Variants in DEPTOR observed in about 807,000 individuals in gnomAD.
The protein encoded by DEPTOR is DEP domain containing MTOR interacting protein.
A neutral mutation model predicts 41.6 loss-of-function variants in DEPTOR; 41 were observed. That is an observed-to-expected ratio of 0.98 (90% confidence interval 0.77 to 1.28). The LOEUF is 1.28. DEPTOR is among the 50% of genes most tolerant of loss of function. The pLI is 0.00. For synonymous variants in DEPTOR, 195 were observed against 192.3 expected (o/e 1.01, Z -0.12); for missense variants, 514 against 527.9 (o/e 0.97, Z 0.26).
chr8:119,971,261 GA>G (rs1828631322), intron 4 of DEPTOR, among the ~76,000 whole-genome samples: 1 of 149,098 alleles, frequency 6.7e-6, no homozygotes. Flanking sequence ...AAGGTTGGCT[GA>G]AAAATCAACT....
chr8:120,030,563 G>C (rs1038534900), intron 8 of DEPTOR, among the ~76,000 whole-genome samples: 2 of 137,688 alleles, frequency 1.5e-5, no homozygotes, highest in Non-Finnish European at 3.1e-5. Flanking sequence ...CTGGAGTGCA[G>C]TGGTGTGATC....
intron 3 of DEPTOR, among the ~76,000 whole-genome samples, chr8:119,946,769 C>T (rs1469385448): frequency 6.6e-6 from 1 of 152,120 alleles, no homozygotes; most frequent in Non-Finnish European, 1.5e-5. Flanking sequence ...TCTCTGTGTT[C>T]TACCAAGGTT....
chr8:119,945,745 A>G (rs1828263025), intron 3 of DEPTOR, among the ~76,000 whole-genome samples: 1 of 152,238 alleles, frequency 6.6e-6, no homozygotes, highest in African/African-American at 2.4e-5. Flanking sequence ...AGCCCTTCCT[A>G]GAGGAAATCC....
chr8:120,019,188 C>T (rs1586660335), intron 8 of DEPTOR, among the ~76,000 whole-genome samples: 1 of 152,050 alleles, frequency 6.6e-6, no homozygotes, highest in Non-Finnish European at 1.5e-5. Flanking sequence ...GCCTGTAATC[C>T]CAGCTACTCA....
At chr8:120,016,663 C>T (rs181399541) in intron 8 of DEPTOR, among the ~76,000 whole-genome samples, 1 of 151,540 alleles carries the variant, frequency 6.6e-6, no homozygotes, top group Admixed American at 6.6e-5. Flanking sequence ...AGTGCAGTGG[C>T]CTGAACATGG....
chr8:120,007,176 A>G (rs1812452706), intron 7 of DEPTOR, among the ~76,000 whole-genome samples: 1 of 152,200 alleles, frequency 6.6e-6, no homozygotes, highest in African/African-American at 2.4e-5. Flanking sequence ...CATCATTTGC[A>G]CTTGCATTTA....
intron 8 of DEPTOR, 140 bp from the exon 9 acceptor site, chr8:120,049,436 T>C: frequency 1.0e-6 from 1 of 974,296 alleles, no homozygotes; most frequent in East Asian, 3.0e-5. Flanking sequence ...TTGGAAATTA[T>C]TGAATTGGAG....
intron 8 of DEPTOR, among the ~76,000 whole-genome samples, chr8:120,032,932 GA>G (rs2130176919): frequency 6.6e-6 from 1 of 152,268 alleles, no homozygotes; most frequent in Admixed American, 6.5e-5. Context: ...AACTGGTCCA[GA>G]AAATGTGCTT....
intron 8 of DEPTOR, among the ~76,000 whole-genome samples, chr8:120,016,903 A>G (rs80110063): frequency 0.016 from 2,439 of 152,258 alleles, 60 homozygotes; most frequent in African/African-American, 0.054. Flanking sequence ...TTAAGCCATC[A>G]TGCCCAACCT....
At chr8:119,964,499 G>A (rs1828530065) in intron 3 of DEPTOR, among the ~76,000 whole-genome samples, 1 of 118,822 alleles carries the variant, frequency 8.4e-6, no homozygotes, top group African/African-American at 3.4e-5. Flanking sequence ...TGGGCAACAA[G>A]AGTGAAAGCC....
At chr8:119,886,391 G>C (rs900350608) in intron 1 of DEPTOR, among the ~76,000 whole-genome samples, 3 of 151,960 alleles carry the variant, frequency 2.0e-5, no homozygotes, top group African/African-American at 7.3e-5. Flanking sequence ...TGAGTCGGTG[G>C]GATTGTAGCC....
intron 7 of DEPTOR, among the ~76,000 whole-genome samples, chr8:120,007,731 G>T (rs1413342542): frequency 6.6e-6 from 1 of 152,180 alleles, no homozygotes; most frequent in African/African-American, 2.4e-5. Context: ...TCTGAATGCT[G>T]AGGAGTTAAT....
intron 8 of DEPTOR, among the ~76,000 whole-genome samples, chr8:120,037,601 T>G (rs1022571179): frequency 3.2e-4 from 48 of 152,156 alleles, no homozygotes; most frequent in Non-Finnish European, 2.2e-4. Context: ...ATCTTTAAAC[T>G]CTTCATCCAG....
intron 4 of DEPTOR, among the ~76,000 whole-genome samples, chr8:119,966,759 G>A (rs1223177711): frequency 1.3e-5 from 2 of 152,148 alleles, no homozygotes; most frequent in East Asian, 3.9e-4. Flanking sequence ...TTACAGGCGT[G>A]AACAACCATG....
rs189218776 is a variant in DEPTOR at position 119,906,042 on chromosome 8, C to A, written c.123-22358C>A. Among the ~76,000 whole-genome samples the A allele has an allele frequency of 4.0e-3, 613 of 152,306 alleles. 1 individual carries two copies. Among genetic ancestry groups the A allele is most frequent in the Non-Finnish European group, 6.6e-3 (448 of 68,036 alleles). On this transcript the variant is annotated intron_variant, in intron 1 of 8. Transcript: ENST00000286234. ...ACTCGGGCTCAAGCAGGCCTCCTGCCTCAGCCTCCCAAAATGCTGGGATTA... is the reference window on the plus strand; with the variant it reads ...ACTCGGGCTCAAGCAGGCCTCCTGCATCAGCCTCCCAAAATGCTGGGATTA...
intron 1 of DEPTOR, among the ~76,000 whole-genome samples, chr8:119,906,323 G>A (rs1363126416): frequency 6.6e-6 from 1 of 151,352 alleles, no homozygotes; most frequent in Non-Finnish European, 1.5e-5. Flanking sequence ...GGGTATGGTG[G>A]TGCATGTCTG....
At chr8:120,015,199 C>T (rs1225967502) in intron 8 of DEPTOR, among the ~76,000 whole-genome samples, 1 of 152,170 alleles carries the variant, frequency 6.6e-6, no homozygotes, top group Non-Finnish European at 1.5e-5. Flanking sequence ...ACCTTTATCT[C>T]CTTCCCTGGC....
chr8:119,999,204 G>A (rs1812312144), intron 4 of DEPTOR, among the ~76,000 whole-genome samples: 1 of 151,882 alleles, frequency 6.6e-6, no homozygotes, highest in Non-Finnish European at 1.5e-5. Context: ...GAGACTCGGT[G>A]GAGGTTGCGG....
intron 1 of DEPTOR, among the ~76,000 whole-genome samples, chr8:119,875,628 A>G (rs1827222041): frequency 6.6e-6 from 1 of 152,220 alleles, no homozygotes; most frequent in Admixed American, 6.5e-5. Flanking sequence ...AGTACAGCCC[A>G]GGTAAGCTGC....
Sources: gnomAD v4.1 joint callset for allele counts (sites outside exome capture counted in the v4.1 genomes callset) on GRCh38, gnomAD v4.1.1 for gene constraint, MANE v1.5 for transcripts, NCBI Gene and HGNC (gene_info 2026-07-23, HGNC 2026-07-21) for gene names.